The following GPC6 variants were observed in gnomAD, a reference collection of about 807,000 sequenced individuals.
GPC6 encodes the protein glypican 6.
Under a neutral mutation model 55.2 loss-of-function variants are expected in GPC6, and 14 were observed. That is an observed-to-expected ratio of 0.25 (90% confidence interval 0.17 to 0.40). The LOEUF (loss-of-function observed/expected upper bound fraction) is 0.40, where lower values mean the gene tolerates loss of function less well. Ranked by LOEUF, GPC6 falls within the 10% of genes least tolerant of loss-of-function variation. The pLI, the probability that GPC6 is intolerant of heterozygous loss-of-function variation, is 1.00. For synonymous variants in GPC6, 278 were observed against 259.6 expected (o/e 1.07, Z -0.68); for missense variants, 641 against 708.5 (o/e 0.90, Z 1.08).
intron 1 of GPC6, among the ~76,000 whole-genome samples, chr13:93,385,164 G>A (rs1488668634): frequency 6.6e-6 from 1 of 152,246 alleles, no homozygotes; most frequent in Non-Finnish European, 1.5e-5. Context: ...GGAAGAATAA[G>A]GAACCAGACA....
intron 2 of GPC6, among the ~76,000 whole-genome samples, chr13:93,707,754 A>G (rs1017504254): frequency 1.3e-5 from 2 of 151,886 alleles, no homozygotes; most frequent in African/African-American, 4.8e-5. Context: ...ATGTAAGAGT[A>G]ACACATTTAA....
At chr13:94,346,175 T>C (rs1182098777) in intron 6 of GPC6, among the ~76,000 whole-genome samples, 1 of 152,186 alleles carries the variant, frequency 6.6e-6, no homozygotes, top group Non-Finnish European at 1.5e-5. Context: ...TAATTACCTC[T>C]GCAAAGACGT....
At chr13:93,483,446 A>C (rs1879591245) in intron 1 of GPC6, among the ~76,000 whole-genome samples, 1 of 152,104 alleles carries the variant, frequency 6.6e-6, no homozygotes, top group African/African-American at 2.4e-5. Context: ...ATTATATAGA[A>C]ATTAGAATGT....
intron 2 of GPC6, among the ~76,000 whole-genome samples, chr13:93,728,310 G>A (rs1007177293): frequency 4.6e-5 from 7 of 151,734 alleles, no homozygotes; most frequent in Admixed American, 1.3e-4. Flanking sequence ...TCAATTTCCC[G>A]GGATCAAGTA....
At chr13:93,331,189 C>T (rs1270707769) in intron 1 of GPC6, among the ~76,000 whole-genome samples, 1 of 152,142 alleles carries the variant, frequency 6.6e-6, no homozygotes, top group Admixed American at 6.5e-5. Flanking sequence ...CTCTCTTCCT[C>T]CTTTTTTCTT....
At chr13:93,327,301 T>C (rs1393390180) in intron 1 of GPC6, among the ~76,000 whole-genome samples, 3 of 152,292 alleles carry the variant, frequency 2.0e-5, no homozygotes, top group African/African-American at 7.2e-5. Flanking sequence ...TCCAGTGTGG[T>C]TATTTCTCTG....
chr13:93,556,771 T>G (rs1409922478), intron 2 of GPC6, among the ~76,000 whole-genome samples: 9 of 152,096 alleles, frequency 5.9e-5, no homozygotes, highest in Non-Finnish European at 1.3e-4. Context: ...TTGTATTTAT[T>G]TTTAGATCCT....
intron 1 of GPC6, among the ~76,000 whole-genome samples, chr13:93,244,639 G>A (rs1204980112): frequency 6.6e-6 from 1 of 152,188 alleles, no homozygotes; most frequent in African/African-American, 2.4e-5. Context: ...GCACCCGGTA[G>A]GGTTAAGGAG....
chr13:93,287,732 C>G (rs1325383161), intron 1 of GPC6, among the ~76,000 whole-genome samples: 3 of 151,998 alleles, frequency 2.0e-5, no homozygotes, highest in Non-Finnish European at 4.4e-5. Flanking sequence ...ATGTGTATTA[C>G]GGGGGGAAAT....
chr13:93,270,977 C>A (rs1877503352), intron 1 of GPC6, among the ~76,000 whole-genome samples: 1 of 152,180 alleles, frequency 6.6e-6, no homozygotes, highest in Non-Finnish European at 1.5e-5. Context: ...TAGACTTGCA[C>A]CCGTAGTTAA....
At chr13:93,777,240 G>A (rs149387874) in intron 2 of GPC6, among the ~76,000 whole-genome samples, 8 of 152,054 alleles carry the variant, frequency 5.3e-5, no homozygotes, top group Admixed American at 1.3e-4. Context: ...CCCAAGCCCC[G>A]TCTCCTGTTT....
intron 4 of GPC6, among the ~76,000 whole-genome samples, chr13:94,200,215 T>C (rs1022035537): frequency 2.0e-5 from 3 of 151,524 alleles, no homozygotes; most frequent in Non-Finnish European, 4.4e-5. Flanking sequence ...TCTTCAGGAA[T>C]TGCTCTCTGG....
chr13:94,217,913 A>G (rs2138997477), intron 4 of GPC6, among the ~76,000 whole-genome samples: 1 of 152,304 alleles, frequency 6.6e-6, no homozygotes, highest in Non-Finnish European at 1.5e-5. Flanking sequence ...AGTAAAAGAC[A>G]TATTTGTTAG....
At chr13:94,349,022 C>T (rs112395576) in intron 6 of GPC6, among the ~76,000 whole-genome samples, 2 of 152,178 alleles carry the variant, frequency 1.3e-5, no homozygotes, top group African/African-American at 2.4e-5. Context: ...CATGTGCCTA[C>T]GATGGACCAG....
At chr13:93,521,494 G>C (rs1881420642) in intron 1 of GPC6, among the ~76,000 whole-genome samples, 1 of 151,908 alleles carries the variant, frequency 6.6e-6, no homozygotes, top group African/African-American at 2.4e-5. Context: ...ATGTTGGCAG[G>C]TGCTTGTGAA....
intron 1 of GPC6, among the ~76,000 whole-genome samples, chr13:93,455,333 G>A (rs1047259115): frequency 2.5e-4 from 38 of 152,290 alleles, no homozygotes; most frequent in Middle Eastern, 3.4e-3. Context: ...AGGACTGCCA[G>A]CACGCTGTCA....
chr13:93,833,343 T>C (rs914887053), intron 3 of GPC6, among the ~76,000 whole-genome samples: 5 of 152,180 alleles, frequency 3.3e-5, no homozygotes, highest in Admixed American at 6.5e-5. Flanking sequence ...ACACCCAAGG[T>C]ATTTTTGTAA....
chr13:93,736,821 A>T (rs1029845225), intron 2 of GPC6, among the ~76,000 whole-genome samples: 3 of 152,132 alleles, frequency 2.0e-5, no homozygotes, highest in Admixed American at 2.0e-4. Context: ...GCACTTCTGA[A>T]ATTATGACAT....
chr13:93,252,917 T>C (rs1047552709), intron 1 of GPC6, among the ~76,000 whole-genome samples: 1 of 152,252 alleles, frequency 6.6e-6, no homozygotes, highest in Admixed American at 6.5e-5. Flanking sequence ...CTTTGAAAGA[T>C]TGCAGCTGAT....
Sources: allele counts gnomAD v4.1 joint callset (sites outside exome capture counted in the v4.1 genomes callset), GRCh38; gene constraint gnomAD v4.1.1; transcripts MANE v1.5; gene names NCBI Gene and HGNC (gene_info 2026-07-23, HGNC 2026-07-21).